The following LRP1B variants were observed in gnomAD, a reference collection of about 807,000 sequenced individuals.
LRP1B encodes low-density lipoprotein receptor-related protein 1B.
In LRP1B, 217 loss-of-function variants were observed where a neutral mutation model predicts 556.6. That is an observed-to-expected ratio of 0.39 (90% confidence interval 0.35 to 0.44). The LOEUF is 0.44. Among genes scored for constraint, LRP1B ranks in the 20% least tolerant of loss-of-function variants. LRP1B has a pLI of 1.00. For synonymous variants in LRP1B, 2,047 were observed against 1,865.8 expected (o/e 1.10, Z -2.50); for missense variants, 5,053 against 5,620.8 (o/e 0.90, Z 3.23).
intron 7 of LRP1B, among the ~76,000 whole-genome samples, chr2:141,095,606 C>A (rs1700277979): frequency 6.6e-6 from 1 of 151,564 alleles, no homozygotes. Context: ...TGTTCAATTT[C>A]AATTCTTAAC....
chr2:141,344,036 C>A (rs566113653), intron 3 of LRP1B, among the ~76,000 whole-genome samples: 2 of 152,196 alleles, frequency 1.3e-5, no homozygotes, highest in Non-Finnish European at 2.9e-5. Flanking sequence ...CAAGTGCCCA[C>A]CTCATTTGTT....
In LRP1B at chr2:141,807,564, A is replaced by C. The variant is rs1696205379; in HGVS notation, c.205+2715T>G. 2.6e-5 allele frequency among the ~76,000 whole-genome samples: 4 copies of C among 152,114 alleles called. No individual in the cohort carries two copies. In the South Asian group the frequency reaches 8.3e-4, roughly 31 times the overall value. ...ATGTTATTGGAGAGGAAAGGACTGT[A>C]TATTTAAACAACTGCCAAGAATATC... On this transcript the variant is annotated intron_variant, in intron 2 of 90. Transcript: ENST00000389484.
chr2:141,806,494 T>A (rs1335284855), intron 2 of LRP1B, among the ~76,000 whole-genome samples: 3 of 152,068 alleles, frequency 2.0e-5, no homozygotes, highest in Non-Finnish European at 4.4e-5. Context: ...ATGGTAAGAT[T>A]ATAAATTATT....
chr2:140,396,248 C>T (rs1282592844), intron 66 of LRP1B, among the ~76,000 whole-genome samples: 1 of 152,104 alleles, frequency 6.6e-6, no homozygotes, highest in Non-Finnish European at 1.5e-5. Flanking sequence ...CAAAATAAGC[C>T]TCTTTTATTT....
chr2:140,536,720 A>AG lies in LRP1B; in HGVS notation c.7514-12_7514-11insC. On this transcript the variant is annotated splice_polypyrimidine_tract_variant and intron_variant, in intron 45 of 90. Coordinates refer to ENST00000389484, the MANE Select transcript of LRP1B (RefSeq NM_018557.3). ...AGGAGGAATTTTTAGCTGCAAGAAA[A>AG]AAAAAAAAAGTCAATACTTTTGTGC... 1 of 1,574,132 alleles carries AG rather than the reference A, an allele frequency of 6.4e-7. No homozygotes were observed. Among genetic ancestry groups the AG allele is most frequent in the Non-Finnish European group, 8.6e-7 (1 of 1,164,146 alleles).
rs139896285 is a variant in LRP1B, at chr2:142,026,367, C to G, written c.82+104281G>C. Among the ~76,000 whole-genome samples, 303 of 152,164 alleles carry G rather than the reference C, an allele frequency of 2.0e-3. 2 individuals carry two copies. The highest frequency in any genetic ancestry group is 0.019 in the Admixed American group (294 of 15,256). ...TGAAAAGACACGCCAGGTGACACTT[C>G]CATTGTTTTGAAGGATCATTCCTGC... On this transcript the variant is annotated intron_variant, in intron 1 of 90. Transcript: ENST00000389484.
intron 7 of LRP1B, among the ~76,000 whole-genome samples, chr2:141,071,038 C>CAG (rs757942373): frequency 6.6e-6 from 1 of 151,992 alleles, no homozygotes; most frequent in Non-Finnish European, 1.5e-5. Context: ...CAAAGCCGGG[C>CAG]AGAGACACAA....
intron 3 of LRP1B, among the ~76,000 whole-genome samples, chr2:141,477,963 C>CAA (rs58642133): frequency 4.1e-5 from 6 of 147,518 alleles, no homozygotes; most frequent in African/African-American, 1.2e-4. Context: ...CTCCTACTGG[C>CAA]AAAAAAAAAA....
chr2:140,532,660 G>A (rs1020910428), intron 47 of LRP1B, among the ~76,000 whole-genome samples: 10 of 151,932 alleles, frequency 6.6e-5, no homozygotes, highest in Non-Finnish European at 1.3e-4. Flanking sequence ...CTCCCAAAGT[G>A]CTGGGATTAC....
chr2:141,752,670 G>A (rs760599199), intron 2 of LRP1B, among the ~76,000 whole-genome samples: 2 of 151,576 alleles, frequency 1.3e-5, no homozygotes, highest in Non-Finnish European at 2.9e-5. Flanking sequence ...GTGTGTGTGT[G>A]TTTATAGTTG....
At position 141,247,900 on chromosome 2, in the gene LRP1B, T is replaced by C. The variant is rs1381123013; in HGVS notation, c.464-546A>G. ...TCTACAGATATTAAATTAAATTAGA[T>C]TGCTAATTAGAAACTTCCTGTAATA... On this transcript the variant is annotated intron_variant, in intron 4 of 90. Coordinates refer to ENST00000389484, the MANE Select transcript of LRP1B (RefSeq NM_018557.3). Among the ~76,000 whole-genome samples the C allele has an allele frequency of 2.0e-5, 3 of 152,198 alleles. 1 individual carries two copies. The highest frequency in any genetic ancestry group is 4.1e-4 in the South Asian group (2 of 4,836).
chr2:140,563,951 T>TA (rs1478114442), intron 43 of LRP1B, among the ~76,000 whole-genome samples: 1 of 152,150 alleles, frequency 6.6e-6, no homozygotes, highest in African/African-American at 2.4e-5. Context: ...TCTTCATTAC[T>TA]AACACAAGTG....
intron 2 of LRP1B, among the ~76,000 whole-genome samples, chr2:141,605,032 G>A (rs924085810): frequency 3.3e-5 from 5 of 152,016 alleles, no homozygotes; most frequent in Non-Finnish European, 5.9e-5. Context: ...CTTGCGGCAC[G>A]TAAGGTGGCC....
chr2:141,005,188 AATAATTT>A, intron 15 of LRP1B, 140 bp downstream of exon 15: 1 of 880,210 alleles, frequency 1.1e-6, no homozygotes, highest in Non-Finnish European at 1.6e-6. Context: ...TTAATCAGTT[AATAATTT>A]ATAGTCTAAA....
At chr2:140,533,511 A>G (rs1040677563) in intron 47 of LRP1B, among the ~76,000 whole-genome samples, 8 of 152,134 alleles carry the variant, frequency 5.3e-5, no homozygotes, top group African/African-American at 1.9e-4. Flanking sequence ...GAAAAAGTAT[A>G]GGCAGGGAAA....
In LRP1B at chr2:141,766,795, G is replaced by A. The variant is rs188185021; in HGVS notation, c.205+43484C>T. Among the ~76,000 whole-genome samples the A allele has an allele frequency of 1.9e-4, 29 of 152,086 alleles. No individual in the cohort carries two copies. In the South Asian group the frequency reaches 2.7e-3, roughly 14 times the overall value. On this transcript the variant is annotated intron_variant, in intron 2 of 90. Coordinates refer to ENST00000389484, the MANE Select transcript of LRP1B (RefSeq NM_018557.3). ...TCCAATAGTAGGAAAGTCATTATCCGTCTCTTCTACAATTTCTTTTAACCA... is the reference window on the plus strand; with the variant it reads ...TCCAATAGTAGGAAAGTCATTATCCATCTCTTCTACAATTTCTTTTAACCA...
intron 8 of LRP1B, among the ~76,000 whole-genome samples, chr2:141,061,299 T>A (rs1055179853): frequency 6.6e-6 from 1 of 151,774 alleles, no homozygotes; most frequent in African/African-American, 2.4e-5. Flanking sequence ...AATCACAGAA[T>A]GTACCTGTCT....
intron 2 of LRP1B, among the ~76,000 whole-genome samples, chr2:141,517,026 A>T (rs867707018): frequency 7.6e-6 from 1 of 131,118 alleles, no homozygotes; most frequent in African/African-American, 2.8e-5. Flanking sequence ...AAAAAAAAAA[A>T]AAAAAAGTAA....
chr2:141,441,896 G>A (rs181875101), intron 3 of LRP1B, among the ~76,000 whole-genome samples: 86 of 152,276 alleles, frequency 5.6e-4, no homozygotes, highest in African/African-American at 1.9e-3. Flanking sequence ...GGTAATCAAG[G>A]TTCTCAACTT....
Sources: allele counts gnomAD v4.1 joint callset (sites outside exome capture counted in the v4.1 genomes callset), GRCh38; gene constraint gnomAD v4.1.1; transcripts MANE v1.5; gene names NCBI Gene and HGNC (gene_info 2026-07-23, HGNC 2026-07-21).